DGUOK: variants seen among roughly 807,000 people sequenced by gnomAD.
DGUOK encodes the protein deoxyguanosine kinase.
Under a neutral mutation model 36.6 loss-of-function variants are expected in DGUOK, and 30 were observed. That is an observed-to-expected ratio of 0.82 (90% CI 0.61 to 1.11). The LOEUF is 1.11. Among genes scored for constraint, DGUOK ranks in the 50% most tolerant of loss-of-function variants. The pLI, the probability that DGUOK is intolerant of heterozygous loss-of-function variation, is 0.00. For missense variants in DGUOK, 361 were observed against 336.4 expected, an observed-to-expected ratio of 1.07 and a Z score of -0.57; for synonymous variants, 145 against 126.3, an observed-to-expected ratio of 1.15 and a Z score of -0.99.
intron 2 of DGUOK, among the ~76,000 whole-genome samples, chr2:73,945,192 C>G (rs1175488002): frequency 2.0e-5 from 3 of 152,234 alleles, no homozygotes; most frequent in Non-Finnish European, 4.4e-5. Context: ...CCATTTCCAT[C>G]TGTGAGAATT....
At chr2:73,956,979 G>A (rs1474127143) in intron 4 of DGUOK, 146 bp from the exon 5 acceptor site, 1 of 504,086 alleles carries the variant, frequency 2.0e-6, no homozygotes, top group Non-Finnish European at 3.7e-6. Context: ...TCCTCTGATT[G>A]CATAAGAAAA....
At chr2:73,941,727 A>G (rs1034092281) in intron 2 of DGUOK, among the ~76,000 whole-genome samples, 7 of 152,060 alleles carry the variant, frequency 4.6e-5, no homozygotes, top group Non-Finnish European at 8.8e-5. Context: ...CATTGTAGCT[A>G]TACTGCTTGT....
Position 73,946,912 on chromosome 2 carries a change from A to T in DGUOK, c.443+6A>T. 1 of 1,607,936 alleles carries T rather than the reference A, an allele frequency of 6.2e-7. No individual in the cohort carries two copies. The highest frequency in any genetic ancestry group is 8.5e-7 in the Non-Finnish European group (1 of 1,177,482). ...AGGTCTGTGTACAGTGACAGGTAAA[A>T]TGCCAAGCCCTCCACCAGTCACAAG... On this transcript the variant is annotated splice_donor_region_variant and intron_variant, in intron 3 of 6. Transcript: ENST00000264093.
intron 1 of DGUOK, among the ~76,000 whole-genome samples, chr2:73,928,386 C>T (rs1169997622): frequency 6.6e-6 from 1 of 152,198 alleles, no homozygotes; most frequent in East Asian, 1.9e-4. Flanking sequence ...CCTCGGCCTC[C>T]CAAAGTGCTG....
chr2:73,950,280 A>G (rs1252853691), intron 3 of DGUOK, among the ~76,000 whole-genome samples: 2 of 152,190 alleles, frequency 1.3e-5, no homozygotes, highest in African/African-American at 4.8e-5. Context: ...AGCAGAGAAA[A>G]TTGTTAGGGA....
rs148564748 is a variant in DGUOK, at chr2:73,931,267, G to T, written c.142+4215G>T. On this transcript the variant is annotated intron_variant, in intron 1 of 6. Coordinates refer to ENST00000264093, the MANE Select transcript of DGUOK (RefSeq NM_080916.3). ...AAGAAACACATGCAGTTTTTTGGGG[G>T]TTTTTTTGTTTGTTTGTTTGTTTTT... 9.3e-3 allele frequency among the ~76,000 whole-genome samples: 1,417 copies of T among 151,766 alleles called. 20 individuals carry two copies. Among genetic ancestry groups the T allele is most frequent in the African/African-American group, 0.032 (1,342 of 41,386 alleles).
intron 2 of DGUOK, among the ~76,000 whole-genome samples, chr2:73,939,970 C>T (rs1453382502): frequency 1.4e-5 from 2 of 145,278 alleles, no homozygotes; most frequent in African/African-American, 2.6e-5. Flanking sequence ...GGTGTGATCT[C>T]GGCCCACTGT....
At chr2:73,930,800 T>C (rs1421593613) in intron 1 of DGUOK, among the ~76,000 whole-genome samples, 3 of 142,264 alleles carry the variant, frequency 2.1e-5, no homozygotes, top group African/African-American at 7.8e-5. Context: ...TTTTCTTTTT[T>C]TTTTTTTTTT....
chr2:73,948,505 T>C (rs1439017127), intron 3 of DGUOK, among the ~76,000 whole-genome samples: 1 of 152,182 alleles, frequency 6.6e-6, no homozygotes, highest in African/African-American at 2.4e-5. Flanking sequence ...TTTGTTCACT[T>C]GCACAGATTT....
At chr2:73,940,717 A>G (rs184553657) in intron 2 of DGUOK, among the ~76,000 whole-genome samples, 143 of 152,318 alleles carry the variant, frequency 9.4e-4, no homozygotes, top group African/African-American at 3.4e-3. Context: ...ATGTTTAGAT[A>G]CACAAATACT....
intron 4 of DGUOK, among the ~76,000 whole-genome samples, chr2:73,952,101 C>T (rs1366212088): frequency 3.9e-5 from 6 of 152,126 alleles, no homozygotes; most frequent in African/African-American, 1.4e-4. Context: ...TCCAGGAGCT[C>T]GAGGCTACAG....
chr2:73,948,846 C>G (rs1214289654), intron 3 of DGUOK, among the ~76,000 whole-genome samples: 1 of 152,188 alleles, frequency 6.6e-6, no homozygotes, highest in African/African-American at 2.4e-5. Flanking sequence ...TGCCCCTCAC[C>G]CCATCACCAC....
At chr2:73,938,736 G>T (rs187663345) in intron 1 of DGUOK, among the ~76,000 whole-genome samples, 174 bp from the exon 2 acceptor site, 94 of 152,292 alleles carry the variant, frequency 6.2e-4, no homozygotes, top group African/African-American at 2.1e-3. Context: ...GGTGGTTCTG[G>T]TTAGCATGAA....
intron 1 of DGUOK, chr2:73,932,777 T>C (rs1398085565): frequency 3.6e-6 from 2 of 554,824 alleles, no homozygotes; most frequent in Non-Finnish European, 5.4e-6. Flanking sequence ...GGAAAATTGA[T>C]CAGTGAAGTA....
At chr2:73,937,271 C>T (rs553104022) in intron 1 of DGUOK, among the ~76,000 whole-genome samples, 6 of 152,332 alleles carry the variant, frequency 3.9e-5, no homozygotes, top group Admixed American at 6.5e-5. Context: ...GATCTGGCCC[C>T]GGACTGCCCA....
intron 3 of DGUOK, among the ~76,000 whole-genome samples, chr2:73,948,923 T>C (rs1269639123): frequency 2.0e-5 from 3 of 152,204 alleles, no homozygotes; most frequent in Admixed American, 1.3e-4. Context: ...TTCATAGGGC[T>C]TATTAGCAAA....
At chr2:73,953,658 G>A (rs866864329) in intron 4 of DGUOK, among the ~76,000 whole-genome samples, 15 of 151,112 alleles carry the variant, frequency 9.9e-5, no homozygotes, top group East Asian at 1.9e-4. Flanking sequence ...ACTGAGTTTC[G>A]AGCATGTCAG....
rs1315873661 is a variant in DGUOK at position 73,958,188 on chromosome 2, G to T, written c.750G>T (p.Leu250Phe). 13 of 1,613,796 alleles carry T rather than the reference G, an allele frequency of 8.1e-6. No homozygotes were observed. The highest frequency in any genetic ancestry group is 1.1e-5 in the Non-Finnish European group (13 of 1,179,824). Residue 250 changes from leucine (L) to phenylalanine (F), a missense_variant, in exon 6 of 7, where the codon TTG (leucine) becomes TTT (phenylalanine). Transcript: ENST00000264093. ...EALMNIPVLV[L>F]DVNDDFSEEV... ...TGATGAACATTCCAGTGCTGGTGTT[G>T]GATGTCAATGATGATTTTTCTGAGG...
chr2:73,947,153 C>T (rs1266441038), intron 3 of DGUOK: 1 of 504,048 alleles, frequency 2.0e-6, no homozygotes, highest in Non-Finnish European at 3.6e-6. Context: ...CTACTGATTA[C>T]CTTATGTTTC....
Sources: gnomAD v4.1 joint callset for allele counts (sites outside exome capture counted in the v4.1 genomes callset) on GRCh38, gnomAD v4.1.1 for gene constraint, MANE v1.5 for transcripts, NCBI Gene and HGNC (gene_info 2026-07-23, HGNC 2026-07-21) for gene names.